MACROD2: variants seen among roughly 807,000 people sequenced by gnomAD.
The protein encoded by MACROD2 is ADP-ribose glycohydrolase MACROD2.
Under a neutral mutation model 70.4 loss-of-function variants are expected in MACROD2, and 36 were observed. The ratio of observed to expected loss-of-function variants is 0.51; its 90% CI spans 0.39 to 0.68. The LOEUF (loss-of-function observed/expected upper bound fraction) is 0.68. Among genes scored for constraint, MACROD2 ranks in the 30% least tolerant of loss-of-function variants. The pLI, the probability that MACROD2 is intolerant of heterozygous loss-of-function variation, is 0.00. For missense variants in MACROD2, 496 were observed against 538.4 expected, an observed-to-expected ratio of 0.92 and a Z score of 0.78; for synonymous variants, 172 against 178.8, an observed-to-expected ratio of 0.96 and a Z score of 0.30.
At chr20:14,688,655 A>G (rs1196146082) in intron 5 of MACROD2, among the ~76,000 whole-genome samples, 1 of 152,172 alleles carries the variant, frequency 6.6e-6, no homozygotes. Context: ...AATATTAGAT[A>G]TTTTTGAATT....
At position 15,298,481 on chromosome 20, in the gene MACROD2, G is replaced by T. The variant is rs115210586; in HGVS notation, c.540+68420G>T. ...AGAGAGACTGGCTGGCATAAGAAGAGTAAGGGTTACATTCAGCACAATTAC... is the reference window on the plus strand; with the variant it reads ...AGAGAGACTGGCTGGCATAAGAAGATTAAGGGTTACATTCAGCACAATTAC... On this transcript the variant is annotated intron_variant, in intron 6 of 17. Coordinates refer to ENST00000684519, the MANE Select transcript of MACROD2 (RefSeq NM_001351661.2). 2.3e-3 allele frequency among the ~76,000 whole-genome samples: 357 copies of T among 152,306 alleles called. 2 individuals are homozygous for T. Among genetic ancestry groups the T allele is most frequent in the African/African-American group, 8.1e-3 (336 of 41,576 alleles).
intron 8 of MACROD2, among the ~76,000 whole-genome samples, chr20:15,706,920 T>C (rs2050540978): frequency 6.6e-6 from 1 of 152,194 alleles, no homozygotes; most frequent in Non-Finnish European, 1.5e-5. Context: ...TGGGCCCTGA[T>C]GTTACAAGTC....
intron 6 of MACROD2, among the ~76,000 whole-genome samples, chr20:15,331,717 A>C (rs1162185930): frequency 1.3e-5 from 2 of 151,584 alleles, no homozygotes; most frequent in African/African-American, 4.9e-5. Flanking sequence ...GTCATTTTCA[A>C]GAACTTGCTT....
intron 6 of MACROD2, among the ~76,000 whole-genome samples, chr20:15,316,101 T>TA (rs57271877): frequency 0.022 from 2,579 of 118,722 alleles, 21 homozygotes; most frequent in Non-Finnish European, 0.029. Flanking sequence ...AATGGCACAC[T>TA]AAAAAAAAAA....
chr20:15,046,933 C>A (rs1180131163), intron 5 of MACROD2, among the ~76,000 whole-genome samples: 2 of 152,214 alleles, frequency 1.3e-5, no homozygotes, highest in African/African-American at 4.8e-5. Context: ...AACTATACTT[C>A]AATTACTTGC....
At chr20:15,899,064 ATG>A (rs933977124) in intron 10 of MACROD2, among the ~76,000 whole-genome samples, 138 of 150,742 alleles carry the variant, frequency 9.2e-4, no homozygotes, top group African/African-American at 3.3e-3. Context: ...ACATGCATAT[ATG>A]TGTGTGCACA....
chr20:14,387,395 T>C (rs2083480356), intron 3 of MACROD2, among the ~76,000 whole-genome samples: 1 of 152,216 alleles, frequency 6.6e-6, no homozygotes, highest in Admixed American at 6.5e-5. Flanking sequence ...TTCTTTGTCA[T>C]GTGTGGTCAC....
chr20:14,196,130 G>T (rs997454493), intron 3 of MACROD2, among the ~76,000 whole-genome samples: 2 of 152,134 alleles, frequency 1.3e-5, no homozygotes, highest in Admixed American at 6.5e-5. Flanking sequence ...GAAGAAATGA[G>T]CCACACCCCC....
intron 8 of MACROD2, among the ~76,000 whole-genome samples, chr20:15,681,346 C>G (rs546351865): frequency 6.6e-6 from 1 of 152,286 alleles, no homozygotes; most frequent in South Asian, 2.1e-4. Context: ...GTATAAATTG[C>G]TATTCAAAAA....
intron 5 of MACROD2, among the ~76,000 whole-genome samples, chr20:15,099,573 G>T (rs2075857166): frequency 6.6e-6 from 1 of 152,116 alleles, no homozygotes; most frequent in Non-Finnish European, 1.5e-5. Context: ...CCCAGTTTAT[G>T]GTGTTTGGTT....
At chr20:14,149,078 G>A (rs1374766155) in intron 3 of MACROD2, among the ~76,000 whole-genome samples, 1 of 151,890 alleles carries the variant, frequency 6.6e-6, no homozygotes, top group Non-Finnish European at 1.5e-5. Context: ...CTGTCAACAA[G>A]TATGGAGCAT....
At chr20:14,412,620 G>C (rs2083762160) in intron 3 of MACROD2, among the ~76,000 whole-genome samples, 1 of 152,200 alleles carries the variant, frequency 6.6e-6, no homozygotes, top group Non-Finnish European at 1.5e-5. Flanking sequence ...TACCATCCCT[G>C]TAACCTTTGC....
chr20:15,973,098 G>A (rs566575414), intron 13 of MACROD2, among the ~76,000 whole-genome samples: 15 of 152,204 alleles, frequency 9.9e-5, no homozygotes, highest in Non-Finnish European at 1.6e-4. Flanking sequence ...AGATACTGCC[G>A]GGAGGGGGCC....
chr20:14,266,673 ATTG>A (rs2082147256), intron 3 of MACROD2, among the ~76,000 whole-genome samples: 1 of 152,242 alleles, frequency 6.6e-6, no homozygotes, highest in South Asian at 2.1e-4. Flanking sequence ...CTGGGAAGTT[ATTG>A]TTTTCTGTTG....
chr20:14,274,725 C>T (rs1355859892), intron 3 of MACROD2, among the ~76,000 whole-genome samples: 1 of 152,130 alleles, frequency 6.6e-6, no homozygotes, highest in Admixed American at 6.6e-5. Flanking sequence ...TTGCAGATGA[C>T]ATGATTGTAT....
At chr20:14,554,003 A>G (rs113373662) in intron 4 of MACROD2, among the ~76,000 whole-genome samples, 22 of 152,232 alleles carry the variant, frequency 1.4e-4, no homozygotes, top group African/African-American at 5.3e-4. Context: ...ACTTTCTTGA[A>G]TGGGCCATTT....
At chr20:15,908,232 G>T (rs547855283) in intron 10 of MACROD2, among the ~76,000 whole-genome samples, 2 of 152,216 alleles carry the variant, frequency 1.3e-5, no homozygotes, top group African/African-American at 4.8e-5. Flanking sequence ...GAGAATGGGG[G>T]GAAAAGTACT....
chr20:14,018,284 C>T (rs1372447834), intron 2 of MACROD2, among the ~76,000 whole-genome samples: 2 of 151,100 alleles, frequency 1.3e-5, no homozygotes, highest in Non-Finnish European at 2.9e-5. Flanking sequence ...TTATTTATCA[C>T]CACTCTTATT....
rs149249838 is a variant in MACROD2, at chr20:15,599,162, C to G, written c.645+99315C>G. On this transcript the variant is annotated intron_variant, in intron 8 of 17. Transcript: ENST00000684519. ...TTGGGAGGCCAAGGCGGGCGGATCA[C>G]GAGGTCAGGAGATCGAGACCATCCC... 7.6e-3 allele frequency among the ~76,000 whole-genome samples: 1,152 copies of G among 151,474 alleles called. 42 individuals are homozygous for G. The highest frequency in any genetic ancestry group is 0.054 in the Admixed American group (813 of 15,186).
Sources: gnomAD v4.1 joint callset for allele counts (sites outside exome capture counted in the v4.1 genomes callset) on GRCh38, gnomAD v4.1.1 for gene constraint, MANE v1.5 for transcripts, NCBI Gene and HGNC (gene_info 2026-07-23, HGNC 2026-07-21) for gene names.